The following RNF145 variants were observed in gnomAD, a reference collection of about 807,000 sequenced individuals.
The protein encoded by RNF145 is ring finger protein 145.
In RNF145, 12 loss-of-function variants were observed where a neutral mutation model predicts 57.3. The ratio of observed to expected loss-of-function variants is 0.21; its 90% CI spans 0.13 to 0.34. The LOEUF (loss-of-function observed/expected upper bound fraction) is 0.34, where lower values mean the gene tolerates loss of function less well. Among genes scored for constraint, RNF145 ranks in the 10% least tolerant of loss-of-function variants. The pLI, the probability that RNF145 is intolerant of heterozygous loss-of-function variation, is 1.00. For missense variants in RNF145, 429 were observed against 799.0 expected (o/e 0.54, Z 5.58); for synonymous variants, 262 against 288.3 (o/e 0.91, Z 0.92).
intron 4 of RNF145, among the ~76,000 whole-genome samples, chr5:159,177,473 C>CT (rs1353580647): frequency 1.3e-5 from 2 of 152,046 alleles, no homozygotes; most frequent in African/African-American, 4.8e-5. Context: ...ATGGGAAACT[C>CT]TCAGTCTCTT....
At chr5:159,207,912 G>T (rs1785956136) in intron 1 of RNF145, 1 of 1,611,646 alleles carries the variant, frequency 6.2e-7, no homozygotes, top group Non-Finnish European at 8.5e-7. Flanking sequence ...GCTCAGCCTG[G>T]GTCACGACTG....
chr5:159,168,450 C>T (rs1403727584), intron 8 of RNF145, among the ~76,000 whole-genome samples: 1 of 152,132 alleles, frequency 6.6e-6, no homozygotes, highest in Non-Finnish European at 1.5e-5. Flanking sequence ...CTATTTTCCT[C>T]TCCTTCATTT....
chr5:159,208,616 CCAAA>C (rs766635976), intron 1 of RNF145, among the ~76,000 whole-genome samples: 2 of 152,256 alleles, frequency 1.3e-5, no homozygotes, highest in Admixed American at 6.5e-5. Flanking sequence ...TTCCGCACCC[CCAAA>C]CAACCTCGCA....
At chr5:159,161,200 T>C (rs1223334443) in intron 10 of RNF145, 66 bp downstream of exon 10, 1 of 974,110 alleles carries the variant, frequency 1.0e-6, no homozygotes, top group Non-Finnish European at 1.5e-6. Context: ...ATTTGGTTAA[T>C]ATGGTTACAG....
At chr5:159,209,185 CG>C (rs1372695760) in intron 1 of RNF145, 45 bp downstream of exon 1, 33 of 727,798 alleles carry the variant, frequency 4.5e-5, no homozygotes, top group Middle Eastern at 6.9e-4. Context: ...GGGAAGCGGC[CG>C]GGGGGCGCGG....
At chr5:159,209,706 G>A (rs570714395), upstream of RNF145, 27 of 1,067,964 alleles carry the variant, frequency 2.5e-5, no homozygotes, top group East Asian at 7.2e-4. Flanking sequence ...CATAAGCCTA[G>A]CCAAGCCCAT....
chr5:159,176,916 A>C, intron 4 of RNF145, 49 bp from the exon 5 acceptor site: 1 of 1,164,910 alleles, frequency 8.6e-7, no homozygotes, highest in Non-Finnish European at 1.2e-6. Context: ...TGGCATCCAC[A>C]AAATAAAAAC....
intron 7 of RNF145, 102 bp downstream of exon 7, chr5:159,169,571 CTCCAAT>C (rs969991635): frequency 4.3e-6 from 4 of 921,682 alleles, no homozygotes; most frequent in Middle Eastern, 3.6e-4. Flanking sequence ...AAAAAAACCT[CTCCAAT>C]TCCATTTCTT....
Position 159,187,753 on chromosome 5 carries a change from CAG to C in RNF145, c.294-5704_294-5703del, listed in dbSNP as rs953282297. On this transcript the variant is annotated intron_variant, in intron 3 of 10. Transcript: ENST00000424310. The stretch of plus-strand genomic sequence containing the variant: ...GTATCACTGGGGTCTAGTGGGTAGA[CAG>C]AGTGTTGTCAACATCCTATAATGCA... 1.1e-4 allele frequency among the ~76,000 whole-genome samples: 16 copies of C among 152,258 alleles called. No individual in the cohort carries two copies. In the South Asian group the frequency reaches 1.7e-3, roughly 16 times the overall value.
rs1466718047 is a variant in RNF145, at chr5:159,158,538, C to T, written c.*132G>A. 3 of 1,205,234 alleles carry T rather than the reference C, an allele frequency of 2.5e-6. No individual in the cohort carries two copies. Among genetic ancestry groups the T allele is most frequent in the Non-Finnish European group, 3.5e-6 (3 of 866,912 alleles). The allele number at this position is 1,205,234 out of a possible 1,614,324, so 74.7% of individuals were successfully genotyped here. On this transcript the variant is annotated 3_prime_UTR_variant, in exon 11 of 11. Transcript: ENST00000424310. ...AGGTGGTCCCCACTGAGAGTACTTC[C>T]TGGATTAGATCCTTGGAATGTCAGT...
intron 3 of RNF145, among the ~76,000 whole-genome samples, chr5:159,190,109 C>T (rs140149381): frequency 0.011 from 1,640 of 152,258 alleles, 30 homozygotes; most frequent in African/African-American, 0.038. Context: ...GTGGCACAAT[C>T]CCAGCTCACT....
intron 2 of RNF145, among the ~76,000 whole-genome samples, chr5:159,197,201 TAAG>T (rs762094691): frequency 4.0e-4 from 61 of 152,190 alleles, no homozygotes; most frequent in Non-Finnish European, 7.9e-4. Context: ...TTTACCAGGC[TAAG>T]AAGAAAAGGA....
At chr5:159,182,977 T>TA (rs1259446937) in intron 3 of RNF145, among the ~76,000 whole-genome samples, 2 of 152,146 alleles carry the variant, frequency 1.3e-5, no homozygotes, top group Non-Finnish European at 2.9e-5. Context: ...GACTTCCCAT[T>TA]AGGCAATCAA....
chr5:159,169,433 T>TA (rs1784479066), intron 7 of RNF145, among the ~76,000 whole-genome samples: 1 of 152,208 alleles, frequency 6.6e-6, no homozygotes, highest in South Asian at 2.1e-4. Context: ...GAAAATCTCT[T>TA]AAAGAAATCT....
At chr5:159,202,079 T>C (rs1306654370) in intron 2 of RNF145, among the ~76,000 whole-genome samples, 1 of 152,248 alleles carries the variant, frequency 6.6e-6, no homozygotes, top group Non-Finnish European at 1.5e-5. Context: ...ATATTTAAGA[T>C]GGCTCAACTA....
intron 1 of RNF145, chr5:159,208,244 G>C (rs770102237): frequency 9.3e-6 from 9 of 967,738 alleles, no homozygotes; most frequent in Non-Finnish European, 1.2e-5. Flanking sequence ...CCGCCGCGGG[G>C]CTAAGAGATT....
At chr5:159,167,484 T>C (rs994886582) in intron 8 of RNF145, among the ~76,000 whole-genome samples, 6 of 152,228 alleles carry the variant, frequency 3.9e-5, no homozygotes, top group Non-Finnish European at 7.3e-5. Context: ...CTTATACTAG[T>C]GGAACAACAT....
intron 8 of RNF145, among the ~76,000 whole-genome samples, chr5:159,166,096 T>C (rs1784385864): frequency 6.6e-6 from 1 of 152,182 alleles, no homozygotes; most frequent in South Asian, 2.1e-4. Flanking sequence ...TATTGGCAGA[T>C]TTTTTCCCTC....
Position 159,176,731 on chromosome 5 carries a change from A to G in RNF145, c.522T>C (p.Phe174=), listed in dbSNP as rs147252446. 5 of 1,611,976 alleles carry G rather than the reference A, an allele frequency of 3.1e-6. No homozygotes were observed. The highest frequency in any genetic ancestry group is 4.2e-6 in the Non-Finnish European group (5 of 1,178,532). The change falls in exon 5 of 11, where the codon TTT becomes TTC. Residue 174 remains phenylalanine, a synonymous_variant. Transcript: ENST00000424310. ...CTTCCAATCCAGTAAAAATCATAGC[A>G]AATTTATTGATGATAACAATTGTCT... ...PLETIVIINK[F]AMIFTGLEVL... is the part of the protein sequence containing the mutation.
Sources: allele counts gnomAD v4.1 joint callset (sites outside exome capture counted in the v4.1 genomes callset), GRCh38; gene constraint gnomAD v4.1.1; transcripts MANE v1.5; gene names NCBI Gene and HGNC (gene_info 2026-07-23, HGNC 2026-07-21).